CEP192: variants seen among roughly 807,000 people sequenced by gnomAD.
CEP192 encodes centrosomal protein 192.
CEP192 carries 151 observed loss-of-function variants against 271.8 expected under a neutral mutation model. That is an observed-to-expected ratio of 0.56 (90% CI 0.49 to 0.64). The LOEUF (loss-of-function observed/expected upper bound fraction) is 0.64, where lower values mean the gene tolerates loss of function less well. CEP192 is among the 30% of genes least tolerant of loss of function. The pLI, the probability that CEP192 is intolerant of heterozygous loss-of-function variation, is 0.00. For missense variants in CEP192, 2,910 were observed against 3,020.5 expected, an observed-to-expected ratio of 0.96 and a Z score of 0.86; for synonymous variants, 995 against 1,076.5, an observed-to-expected ratio of 0.92 and a Z score of 1.48.
intron 15 of CEP192, among the ~76,000 whole-genome samples, chr18:13,046,998 A>G (rs2036520390): frequency 6.6e-6 from 1 of 152,080 alleles, no homozygotes; most frequent in Admixed American, 6.5e-5. Context: ...ATTTCATTTT[A>G]AAAGTTGGCT....
chr18:13,081,175 C>A (rs913949966), intron 30 of CEP192, among the ~76,000 whole-genome samples: 27 of 152,122 alleles, frequency 1.8e-4, no homozygotes, highest in African/African-American at 6.3e-4. Context: ...AGGGAGGATT[C>A]TCTTTTTTTC....
At chr18:13,000,093 T>C (rs34621441) in intron 2 of CEP192, among the ~76,000 whole-genome samples, 10,447 of 36,342 alleles carry the variant, frequency 0.29, 1,024 homozygotes, top group East Asian at 0.43. Context: ...TCTTCTCTCT[T>C]TTTTTTTTTT....
At position 13,056,209 on chromosome 18, in the gene CEP192, G is replaced by A. The variant is rs773027645; in HGVS notation, c.3619G>A (p.Ala1207Thr). The A allele has an allele frequency of 6.2e-6, 10 of 1,614,086 alleles. No homozygotes were observed. The highest frequency in any genetic ancestry group is 2.2e-5 in the East Asian group (1 of 44,882). The change falls in exon 19 of 45, where the codon GCT (alanine) becomes ACT (threonine). Residue 1207 changes from alanine (A) to threonine (T), a missense_variant. Physicochemically the swap from Ala to Thr is moderately conservative, Grantham distance 58. Coordinates refer to ENST00000506447, the MANE Select transcript of CEP192 (RefSeq NM_032142.4). ...QRISPKDKSTAGREFSGQVSH... is the reference protein window; with the variant it reads ...QRISPKDKSTTGREFSGQVSH... ...AATAAGTCCTAAAGATAAGTCAACT[G>A]CTGGCCGTGAGTTCAGTGGCCAGGT...
intron 14 of CEP192, among the ~76,000 whole-genome samples, chr18:13,041,595 T>TTTTA (rs2036208399): frequency 6.6e-6 from 1 of 150,932 alleles, no homozygotes; most frequent in African/African-American, 2.5e-5. Context: ...TTTTTTTTTT[T>TTTTA]GAGACAGAGT....
intron 40 of CEP192, among the ~76,000 whole-genome samples, chr18:13,108,766 T>C (rs530852459): frequency 2.0e-5 from 3 of 152,286 alleles, no homozygotes; most frequent in Admixed American, 2.0e-4. Flanking sequence ...TTCTACCTAC[T>C]TGGGAGGCTG....
intron 9 of CEP192, chr18:13,024,328 G>A (rs1329700561): frequency 2.2e-6 from 1 of 456,104 alleles, no homozygotes; most frequent in African/African-American, 2.0e-5. Flanking sequence ...CTTTTGACTA[G>A]TGTTTTAATG....
At position 13,049,284 on chromosome 18, in the gene CEP192, T is replaced by C; in HGVS notation, c.2493T>C (p.Ser831=). 6.2e-7 allele frequency: 1 copy of C among 1,614,032 alleles called. No homozygotes were observed. Among genetic ancestry groups the C allele is most frequent in the South Asian group, 1.1e-5 (1 of 91,076 alleles). Residue 831 remains serine, a synonymous_variant, in exon 16 of 45, where the codon AGT becomes AGC. Transcript: ENST00000506447. ...DIHPVDLSAT[S]VSVRAPEENT... ...ATCCGGTGGACTTAAGTGCTACTAG[T>C]GTAAGTGTGAGGGCACCAGAAGAAA... is the stretch of plus-strand genomic sequence containing the variant.
chr18:13,065,702 A>G (rs2037659936), intron 21 of CEP192, among the ~76,000 whole-genome samples: 1 of 152,222 alleles, frequency 6.6e-6, no homozygotes, highest in Non-Finnish European at 1.5e-5. Flanking sequence ...CACTCTTTGG[A>G]CAGAGTTCTA....
Position 13,056,248 on chromosome 18 carries a change from A to G in CEP192, c.3658A>G (p.Thr1220Ala). 1 of 1,613,728 alleles carries G rather than the reference A, an allele frequency of 6.2e-7. No individual in the cohort carries two copies. The highest frequency in any genetic ancestry group is 8.5e-7 in the Non-Finnish European group (1 of 1,179,760). ...CAGTGGCCAGGTTTCTCATCAGACC[A>G]CCTCTGAAAACCAGTGTACTCCTAT... ...EFSGQVSHQT[T>A]SENQCTPIPS... The change falls in exon 19 of 45, where the codon ACC (threonine) becomes GCC (alanine). Residue 1220 changes from threonine (T) to alanine (A), a missense_variant. By Grantham distance (58) the Thr-to-Ala change is moderately conservative (BLOSUM62 0). Coordinates refer to ENST00000506447, the MANE Select transcript of CEP192 (RefSeq NM_032142.4).
At chr18:13,079,003 A>G (rs557350433) in intron 30 of CEP192, among the ~76,000 whole-genome samples, 1 of 152,318 alleles carries the variant, frequency 6.6e-6, no homozygotes, top group South Asian at 2.1e-4. Context: ...TCCATGGTGT[A>G]TATATGCCAC....
At chr18:13,081,811 T>C (rs1234214242) in intron 30 of CEP192, among the ~76,000 whole-genome samples, 1 of 152,228 alleles carries the variant, frequency 6.6e-6, no homozygotes, top group Non-Finnish European at 1.5e-5. Context: ...TGTGTCTTTG[T>C]TCTCATTGGT....
chr18:13,107,517 T>G (rs1177902094), intron 40 of CEP192, among the ~76,000 whole-genome samples: 4 of 152,176 alleles, frequency 2.6e-5, no homozygotes, highest in Non-Finnish European at 2.9e-5. Flanking sequence ...TGGTTTTCAT[T>G]AGCTCCAAAC....
At chr18:13,001,303 G>A (rs1290247954) in intron 2 of CEP192, among the ~76,000 whole-genome samples, 154 bp from the exon 3 acceptor site, 5 of 152,314 alleles carry the variant, frequency 3.3e-5, no homozygotes, top group East Asian at 3.9e-4. Context: ...ACAGGTTTCC[G>A]TGCTTTGCAC....
intron 3 of CEP192, among the ~76,000 whole-genome samples, chr18:13,006,228 A>T (rs1467643854): frequency 6.6e-6 from 1 of 151,514 alleles, no homozygotes; most frequent in Non-Finnish European, 1.5e-5. Flanking sequence ...TGCTCATTAA[A>T]TCATTTGGCA....
Position 13,018,631 on chromosome 18 carries a change from T to C in CEP192, c.925+16T>C. 6.9e-7 allele frequency: 1 copy of C among 1,450,166 alleles called. No homozygotes were observed. Among genetic ancestry groups the C allele is most frequent in the African/African-American group, 1.4e-5 (1 of 68,970 alleles). 89.8% of individuals were successfully genotyped at this position (1,450,166 alleles called of 1,614,324 possible). On this transcript the variant is annotated intron_variant, in intron 8 of 44. Coordinates refer to ENST00000506447, the MANE Select transcript of CEP192 (RefSeq NM_032142.4). The stretch of plus-strand genomic sequence containing the variant: ...CCTGGGACTAGTAAGTATAGAAATA[T>C]GATTCTTTTGTTCTTAAGTTCTAGT...
intron 1 of CEP192, among the ~76,000 whole-genome samples, chr18:12,998,103 A>G (rs955458193): frequency 6.6e-5 from 10 of 152,172 alleles, no homozygotes; most frequent in African/African-American, 2.2e-4. Context: ...TCTAAAATCT[A>G]TGCTTTAATC....
At chr18:13,077,153 A>C (rs1387700112) in intron 30 of CEP192, among the ~76,000 whole-genome samples, 4 of 152,198 alleles carry the variant, frequency 2.6e-5, no homozygotes, top group Admixed American at 2.6e-4. Context: ...CTACTTTTTC[A>C]AAATGTTATT....
intron 40 of CEP192, among the ~76,000 whole-genome samples, chr18:13,106,774 A>G (rs1402456710): frequency 6.6e-6 from 1 of 152,184 alleles, no homozygotes; most frequent in Non-Finnish European, 1.5e-5. Flanking sequence ...ACCACTGACA[A>G]CTACCATCAT....
At chr18:13,045,032 T>C (rs12607329) in intron 15 of CEP192, among the ~76,000 whole-genome samples, 20,894 of 152,148 alleles carry the variant, frequency 0.14, 1,581 homozygotes, top group East Asian at 0.31. Flanking sequence ...CTTGAAAATT[T>C]ATTTTACTAT....
Sources: allele counts gnomAD v4.1 joint callset (sites outside exome capture counted in the v4.1 genomes callset), GRCh38; gene constraint gnomAD v4.1.1; transcripts MANE v1.5; gene names NCBI Gene and HGNC (gene_info 2026-07-23, HGNC 2026-07-21).